SCAPER: variants seen among roughly 807,000 people sequenced by gnomAD.
The protein encoded by SCAPER is S-phase cyclin A associated protein in the ER.
SCAPER carries 98 observed loss-of-function variants against 182.2 expected under a neutral mutation model. The ratio of observed to expected loss-of-function variants is 0.54; its 90% CI spans 0.46 to 0.64. The LOEUF (loss-of-function observed/expected upper bound fraction) is 0.64. SCAPER is among the 30% of genes least tolerant of loss of function. The pLI is 0.00. For missense variants in SCAPER, 1,432 were observed against 1,690.0 expected (o/e 0.85, Z 2.68); for synonymous variants, 605 against 564.6 (o/e 1.07, Z -1.01).
intron 8 of SCAPER, among the ~76,000 whole-genome samples, chr15:76,781,254 A>G (rs1298988087): frequency 4.6e-5 from 7 of 152,246 alleles, no homozygotes; most frequent in African/African-American, 1.4e-4. Flanking sequence ...ACAAGCTTCA[A>G]TAGCGGATTC....
rs765200585 is a variant in SCAPER, at chr15:76,621,753, G to A, written c.2711+11C>T. 24 of 1,598,124 alleles carry A rather than the reference G, an allele frequency of 1.5e-5. No individual in the cohort carries two copies. Among genetic ancestry groups the A allele is most frequent in the Non-Finnish European group, 2.0e-5 (24 of 1,171,168 alleles). ...CTGAAGAAAAGGAGAACTAAAATGTGGAATACTCACTTTGCTTTATAAGGT... is the reference window on the plus strand; with the variant it reads ...CTGAAGAAAAGGAGAACTAAAATGTAGAATACTCACTTTGCTTTATAAGGT... On this transcript the variant is annotated intron_variant, in intron 22 of 31. Transcript: ENST00000563290.
chr15:76,891,574 CA>C (rs1035607354), intron 1 of SCAPER, among the ~76,000 whole-genome samples: 20 of 152,048 alleles, frequency 1.3e-4, no homozygotes, highest in Non-Finnish European at 4.4e-5. Context: ...TTGCTACAAA[CA>C]GAATAAAATA....
chr15:76,630,394 G>T (rs1393386137), intron 21 of SCAPER, among the ~76,000 whole-genome samples: 2 of 152,084 alleles, frequency 1.3e-5, no homozygotes, highest in Non-Finnish European at 2.9e-5. Context: ...TAATGTTAAG[G>T]TGCTGATTTG....
intron 17 of SCAPER, among the ~76,000 whole-genome samples, chr15:76,709,770 TG>T (rs2059463900): frequency 6.6e-6 from 1 of 152,158 alleles, no homozygotes; most frequent in African/African-American, 2.4e-5. Context: ...ATACCCCTCA[TG>T]AACATGCCCT....
At chr15:76,796,130 G>A (rs999624421) in intron 7 of SCAPER, among the ~76,000 whole-genome samples, 1 of 152,086 alleles carries the variant, frequency 6.6e-6, no homozygotes, top group Non-Finnish European at 1.5e-5. Flanking sequence ...TACTAAAAGA[G>A]GCTTTTTCTT....
intron 24 of SCAPER, among the ~76,000 whole-genome samples, chr15:76,480,395 G>A (rs946699449): frequency 1.3e-5 from 2 of 152,226 alleles, no homozygotes; most frequent in African/African-American, 4.8e-5. Context: ...GGCCTGAAGT[G>A]AACCTAAGTC....
chr15:76,399,121 GT>G (rs2044280292), intron 27 of SCAPER, among the ~76,000 whole-genome samples: 1 of 152,138 alleles, frequency 6.6e-6, no homozygotes, highest in African/African-American at 2.4e-5. Flanking sequence ...ACTGTTAACA[GT>G]AAAGGCCAAA....
intron 26 of SCAPER, among the ~76,000 whole-genome samples, chr15:76,433,163 C>G (rs1356835358): frequency 6.6e-6 from 1 of 152,144 alleles, no homozygotes; most frequent in Admixed American, 6.5e-5. Context: ...GAGTTGACAT[C>G]AAGAAACTTG....
intron 20 of SCAPER, among the ~76,000 whole-genome samples, chr15:76,693,345 G>A (rs373904293): frequency 1.3e-5 from 2 of 152,278 alleles, no homozygotes; most frequent in East Asian, 3.9e-4. Flanking sequence ...ACAAGTGTTG[G>A]CAAGGATGTG....
At chr15:76,842,213 T>C (rs2151779024) in intron 4 of SCAPER, among the ~76,000 whole-genome samples, 1 of 152,362 alleles carries the variant, frequency 6.6e-6, no homozygotes, top group Non-Finnish European at 1.5e-5. Flanking sequence ...CACCATTTTA[T>C]ATAAGGGACT....
At chr15:76,822,819 T>G (rs1293969855) in intron 5 of SCAPER, among the ~76,000 whole-genome samples, 1 of 152,162 alleles carries the variant, frequency 6.6e-6, no homozygotes, top group Non-Finnish European at 1.5e-5. Context: ...ATCTAATCAC[T>G]CCACTCCTCA....
intron 22 of SCAPER, among the ~76,000 whole-genome samples, chr15:76,588,730 T>A (rs2048877572): frequency 6.6e-6 from 1 of 152,220 alleles, no homozygotes; most frequent in Admixed American, 6.5e-5. Context: ...TCTATTTTGA[T>A]GTGTTTCTAG....
At chr15:76,880,554 C>T (rs948288417) in intron 2 of SCAPER, among the ~76,000 whole-genome samples, 3 of 152,092 alleles carry the variant, frequency 2.0e-5, no homozygotes, top group African/African-American at 7.2e-5. Flanking sequence ...TTTTCATTTA[C>T]TTTCAGGTTT....
intron 25 of SCAPER, among the ~76,000 whole-genome samples, chr15:76,447,326 T>A (rs867746439): frequency 6.6e-6 from 1 of 152,212 alleles, no homozygotes; most frequent in South Asian, 2.1e-4. Context: ...AGTGTTTCCT[T>A]GAGTTCTGTA....
intron 22 of SCAPER, among the ~76,000 whole-genome samples, chr15:76,616,728 C>T (rs2051525974): frequency 6.6e-6 from 1 of 152,012 alleles, no homozygotes; most frequent in African/African-American, 2.4e-5. Flanking sequence ...ACTTAATTTG[C>T]TTTCCTTGTT....
At chr15:76,824,408 C>T (rs1032076316) in intron 5 of SCAPER, among the ~76,000 whole-genome samples, 33 of 152,144 alleles carry the variant, frequency 2.2e-4, no homozygotes, top group Non-Finnish European at 2.8e-4. Flanking sequence ...CTTGGGCCCA[C>T]GACATCAATA....
At chr15:76,734,400 A>C (rs2061117631) in intron 15 of SCAPER, among the ~76,000 whole-genome samples, 1 of 152,212 alleles carries the variant, frequency 6.6e-6, no homozygotes, top group Admixed American at 6.5e-5. Context: ...TGACAGCCAC[A>C]GACTACAGGA....
intron 22 of SCAPER, among the ~76,000 whole-genome samples, chr15:76,580,125 T>C (rs1163169573): frequency 6.6e-6 from 1 of 152,088 alleles, no homozygotes; most frequent in African/African-American, 2.4e-5. Flanking sequence ...CCAGACAGAA[T>C]ATCAACAAAG....
intron 4 of SCAPER, among the ~76,000 whole-genome samples, chr15:76,846,417 A>C (rs1195970971): frequency 6.6e-6 from 1 of 152,198 alleles, no homozygotes; most frequent in Non-Finnish European, 1.5e-5. Flanking sequence ...GAGACAAACA[A>C]CAGAATGGGA....
Sources: gnomAD v4.1 joint callset for allele counts (sites outside exome capture counted in the v4.1 genomes callset) on GRCh38, gnomAD v4.1.1 for gene constraint, MANE v1.5 for transcripts, NCBI Gene and HGNC (gene_info 2026-07-23, HGNC 2026-07-21) for gene names.